The following ANKRD44 variants were observed in gnomAD, a reference collection of about 807,000 sequenced individuals.
ANKRD44 encodes serine/threonine-protein phosphatase 6 regulatory ankyrin repeat subunit B.
A neutral mutation model predicts 116.0 loss-of-function variants in ANKRD44; 35 were observed. That is an observed-to-expected ratio of 0.30 (90% CI 0.23 to 0.40). The LOEUF (loss-of-function observed/expected upper bound fraction) is 0.40. Ranked by LOEUF, ANKRD44 falls within the 10% of genes least tolerant of loss-of-function variation. The pLI, the probability that ANKRD44 is intolerant of heterozygous loss-of-function variation, is 1.00. For synonymous variants in ANKRD44, 435 were observed against 461.8 expected (o/e 0.94, Z 0.74); for missense variants, 1,014 against 1,242.6 (o/e 0.82, Z 2.77).
chr2:197,201,217 G>T lies in ANKRD44; in HGVS notation c.28-14111C>A, dbSNP rs1031282995. Among the ~76,000 whole-genome samples the T allele has an allele frequency of 6.6e-6, 1 of 152,110 alleles. No individual in the cohort carries two copies. Among genetic ancestry groups the T allele is most frequent in the African/African-American group, 2.4e-5 (1 of 41,422 alleles). On this transcript the variant is annotated intron_variant, in intron 1 of 27. Transcript: ENST00000282272. The surrounding 1 kb of genome is among the most constrained non-coding windows in gnomAD (Gnocchi z 4.0). ...TGTTTTTTAAACATTAGGAAAACAA[G>T]ATGCACTCCCAGAATGTTCATGTGA...
chr2:197,067,729 G>A (rs2077464731), intron 16 of ANKRD44, among the ~76,000 whole-genome samples: 1 of 108,668 alleles, frequency 9.2e-6, no homozygotes, highest in Middle Eastern at 3.5e-3. Context: ...TGGAGAGGAT[G>A]TGGAGAAATA....
intron 15 of ANKRD44, among the ~76,000 whole-genome samples, chr2:197,080,939 C>T (rs1275313535): frequency 6.6e-6 from 1 of 152,216 alleles, no homozygotes; most frequent in Non-Finnish European, 1.5e-5. Context: ...ATTTACTCAA[C>T]AGTTATTGAA....
At chr2:197,207,406 G>A (rs1436966343) in intron 1 of ANKRD44, among the ~76,000 whole-genome samples, 1 of 152,110 alleles carries the variant, frequency 6.6e-6, no homozygotes, top group Non-Finnish European at 1.5e-5. Flanking sequence ...CTGTGCCTGC[G>A]GATGGCACAT....
chr2:197,109,317 C>T (rs1301373858), intron 9 of ANKRD44, among the ~76,000 whole-genome samples: 1 of 152,124 alleles, frequency 6.6e-6, no homozygotes, highest in Non-Finnish European at 1.5e-5. Context: ...AAATAAAACA[C>T]GGTGGCCTTT....
Position 197,045,200 on chromosome 2 carries a change from C to T in ANKRD44, c.1651-19933G>A, listed in dbSNP as rs866578084. ...CTTGTCTTTGCTGAACAGACAGGAG[C>T]TCTTCTTTTTATCCTTTCTACCTGA... On this transcript the variant is annotated intron_variant, in intron 16 of 27. Transcript: ENST00000282272. 1.3e-5 allele frequency among the ~76,000 whole-genome samples: 2 copies of T among 151,938 alleles called. 1 individual carries two copies. The highest frequency in any genetic ancestry group is 6.8e-3 in the Middle Eastern group (2 of 294).
At chr2:197,161,816 T>A (rs181772426) in intron 2 of ANKRD44, among the ~76,000 whole-genome samples, 85 of 152,316 alleles carry the variant, frequency 5.6e-4, no homozygotes, top group Non-Finnish European at 1.0e-3. Flanking sequence ...CGGGGTTCAA[T>A]CAGCTGAGGA....
At chr2:197,209,482 GCAGA>G (rs1210315397) in intron 1 of ANKRD44, among the ~76,000 whole-genome samples, 2 of 152,118 alleles carry the variant, frequency 1.3e-5, no homozygotes, top group Non-Finnish European at 2.9e-5. Flanking sequence ...TGTGCCTTTA[GCAGA>G]CATCACTAAT....
chr2:197,186,585 C>T (rs2080667825), intron 2 of ANKRD44, among the ~76,000 whole-genome samples: 1 of 144,494 alleles, frequency 6.9e-6, no homozygotes, highest in Admixed American at 7.1e-5. Context: ...CCACCTGTGC[C>T]TCCATCACTA....
At chr2:197,044,769 A>G (rs1396605318) in intron 16 of ANKRD44, among the ~76,000 whole-genome samples, 2 of 152,202 alleles carry the variant, frequency 1.3e-5, no homozygotes, top group Non-Finnish European at 2.9e-5. Flanking sequence ...TTGGTCCTAA[A>G]ATAATAAAGC....
chr2:197,118,360 G>A (rs2078761680), intron 8 of ANKRD44, among the ~76,000 whole-genome samples: 1 of 151,564 alleles, frequency 6.6e-6, no homozygotes, highest in African/African-American at 2.4e-5. Flanking sequence ...GGCTGAGGTG[G>A]GTGGATTGCT....
At chr2:197,303,031 A>C (rs1310616516) in intron 1 of ANKRD44, among the ~76,000 whole-genome samples, 1 of 152,192 alleles carries the variant, frequency 6.6e-6, no homozygotes, top group Non-Finnish European at 1.5e-5. Flanking sequence ...AAAGAACCAC[A>C]CTGAGAACAG....
chr2:197,101,262 T>C (rs1320746817), intron 9 of ANKRD44, among the ~76,000 whole-genome samples: 1 of 152,082 alleles, frequency 6.6e-6, no homozygotes, highest in African/African-American at 2.4e-5. Flanking sequence ...ATGTCGTTGA[T>C]ATTATTGGAG....
chr2:197,290,346 G>C lies in ANKRD44; in HGVS notation c.27+20232C>G, dbSNP rs969837011. 2.0e-5 allele frequency among the ~76,000 whole-genome samples: 3 copies of C among 152,138 alleles called. No individual in the cohort carries two copies. The East Asian group carries it at 5.8e-4, about 29-fold the overall frequency. The stretch of plus-strand genomic sequence containing the variant: ...TGGTTTTAATTTGCATTTCCCTGAT[G>C]GTTAGTGATGTTGAGCATTTTTTCA... On this transcript the variant is annotated intron_variant, in intron 1 of 27. Transcript: ENST00000282272.
chr2:196,978,348 A>G (rs2075774831), intron 21 of ANKRD44, among the ~76,000 whole-genome samples: 1 of 152,206 alleles, frequency 6.6e-6, no homozygotes, highest in African/African-American at 2.4e-5. Flanking sequence ...TGCCAGCACC[A>G]TGCTTCCTGT....
intron 21 of ANKRD44, among the ~76,000 whole-genome samples, chr2:196,974,598 T>TA (rs2075743353): frequency 6.6e-6 from 1 of 151,272 alleles, no homozygotes; most frequent in Non-Finnish European, 1.5e-5. Context: ...CTTAAGAAAA[T>TA]AAAAAAGGAG....
chr2:197,128,068 T>C (rs4850765), intron 4 of ANKRD44, among the ~76,000 whole-genome samples: 95,900 of 152,154 alleles, frequency 0.63, 33,972 homozygotes, highest in East Asian at 0.95. Flanking sequence ...CAGTCTATCA[T>C]TGATGGACAT....
downstream of ANKRD44, among the ~76,000 whole-genome samples, chr2:196,984,882 G>A (rs946160151): frequency 3.3e-5 from 5 of 152,360 alleles, no homozygotes; most frequent in African/African-American, 1.2e-4. Flanking sequence ...AGTAATTGCT[G>A]TTCCTGCTGT....
chr2:197,245,246 C>A (rs2082166612), intron 1 of ANKRD44, among the ~76,000 whole-genome samples: 1 of 152,026 alleles, frequency 6.6e-6, no homozygotes, highest in African/African-American at 2.4e-5. Context: ...GGCAACAGAG[C>A]AAGACTCCAT....
At chr2:197,010,716 C>T (rs767662230) in intron 18 of ANKRD44, among the ~76,000 whole-genome samples, 2 of 152,210 alleles carry the variant, frequency 1.3e-5, no homozygotes, top group Non-Finnish European at 2.9e-5. Context: ...CCAAATGTGA[C>T]CTTCTCTCCT....
Sources: gnomAD v4.1 joint callset for allele counts (sites outside exome capture counted in the v4.1 genomes callset) on GRCh38, gnomAD v4.1.1 for gene constraint, Gnocchi (gnomAD v3.1) non-coding constraint, MANE v1.5 for transcripts, NCBI Gene and HGNC (gene_info 2026-07-23, HGNC 2026-07-21) for gene names.